PDE1A: variants seen among roughly 807,000 people sequenced by gnomAD.
PDE1A encodes the protein dual specificity calcium/calmodulin-dependent 3',5'-cyclic nucleotide phosphodiesterase 1A.
PDE1A carries 35 observed loss-of-function variants against 61.7 expected under a neutral mutation model. The ratio of observed to expected loss-of-function variants is 0.57; its 90% CI spans 0.43 to 0.75. PDE1A has a LOEUF of 0.75. Among genes scored for constraint, PDE1A ranks in the 30% least tolerant of loss-of-function variants. The pLI is 0.00. For missense variants in PDE1A, 597 were observed against 630.6 expected, an observed-to-expected ratio of 0.95 and a Z score of 0.57; for synonymous variants, 232 against 213.2, an observed-to-expected ratio of 1.09 and a Z score of -0.77.
chr2:182,250,097 A>AT (rs1691287350), intron 2 of PDE1A, among the ~76,000 whole-genome samples: 2 of 151,874 alleles, frequency 1.3e-5, no homozygotes, highest in Admixed American at 1.3e-4. Context: ...CTTTAAACGC[A>AT]TTTTTTTCAT....
rs180886224 is a variant in PDE1A at position 182,220,229 on chromosome 2, C to T, written c.776+3635G>A. Among the ~76,000 whole-genome samples, 516 of 152,076 alleles carry T rather than the reference C, an allele frequency of 3.4e-3. 2 individuals carry two copies. Among genetic ancestry groups the T allele is most frequent in the African/African-American group, 0.012 (502 of 41,518 alleles). ...TACAGAAATATGAACTAGCAAAGCA[C>T]ATGTATAATTCTCATTGAAGAGATA... On this transcript the variant is annotated intron_variant, in intron 7 of 13. Transcript: ENST00000351439.
intron 1 of PDE1A, among the ~76,000 whole-genome samples, chr2:182,277,905 A>T (rs1693543492): frequency 6.6e-6 from 1 of 152,002 alleles, no homozygotes; most frequent in Non-Finnish European, 1.5e-5. Context: ...ACTTGGTCTT[A>T]TCCTACTCTA....
chr2:182,142,942 C>G (rs1450858251), downstream of PDE1A: 2 of 152,146 alleles, frequency 1.3e-5, no homozygotes, highest in African/African-American at 2.4e-5. Context: ...GTATAGGAGT[C>G]AATTAAAATG....
intron 2 of PDE1A, among the ~76,000 whole-genome samples, chr2:182,511,039 C>A (rs1689747674): frequency 6.6e-6 from 1 of 152,072 alleles, no homozygotes; most frequent in Non-Finnish European, 1.5e-5. Context: ...TAATGACTGA[C>A]AAAAGCTAGG....
At position 182,379,201 on chromosome 2, in the gene PDE1A, T is replaced by C. The variant is rs543829268; in HGVS notation, c.53+47377A>G. On this transcript the variant is annotated intron_variant, in intron 1 of 13. Transcript: ENST00000351439. ...TAGAACTACTTAAATCTTTGCTTCA[T>C]GCCAAATACTTCACAAGATAGAATA... Among the ~76,000 whole-genome samples, 10 of 152,352 alleles carry C rather than the reference T, an allele frequency of 6.6e-5. No homozygotes were observed. In the South Asian group the frequency reaches 2.1e-3, roughly 32 times the overall value.
chr2:182,466,463 AAT>A (rs892133493), intron 2 of PDE1A, among the ~76,000 whole-genome samples: 1 of 152,008 alleles, frequency 6.6e-6, no homozygotes, highest in African/African-American at 2.4e-5. Context: ...AGAAACTAGA[AAT>A]TGGGGAAATT....
At chr2:182,464,948 G>C (rs970828358) in intron 2 of PDE1A, among the ~76,000 whole-genome samples, 1 of 152,038 alleles carries the variant, frequency 6.6e-6, no homozygotes, top group Non-Finnish European at 1.5e-5. Context: ...CAATGTTTTT[G>C]AATGAATATT....
rs189860771 is a variant in PDE1A at position 182,219,356 on chromosome 2, C to T, written c.776+4508G>A. Among the ~76,000 whole-genome samples the T allele has an allele frequency of 3.4e-3, 512 of 151,956 alleles. 2 individuals are homozygous for T. Among genetic ancestry groups the T allele is most frequent in the African/African-American group, 0.012 (498 of 41,458 alleles). On this transcript the variant is annotated intron_variant, in intron 7 of 13. Transcript: ENST00000351439. ...TGAATTTGGTATTCTAACTTTAAGC[C>T]TGAAATATTTCAAGCATTCTCAGAT...
At chr2:182,431,787 T>C (rs183798311), upstream of PDE1A, among the ~76,000 whole-genome samples, 16 of 152,154 alleles carry the variant, frequency 1.1e-4, no homozygotes, top group East Asian at 3.1e-3. Flanking sequence ...GTCTCTGGGG[T>C]CACTCAGGAT....
intron 2 of PDE1A, among the ~76,000 whole-genome samples, chr2:182,438,696 C>T (rs1684599861): frequency 6.6e-6 from 1 of 151,806 alleles, no homozygotes; most frequent in Non-Finnish European, 1.5e-5. Flanking sequence ...CCTGGCACGA[C>T]TTAAAGGTAA....
intron 2 of PDE1A, among the ~76,000 whole-genome samples, chr2:182,469,328 G>T (rs1686877478): frequency 6.6e-6 from 1 of 151,946 alleles, no homozygotes; most frequent in South Asian, 2.1e-4. Flanking sequence ...AGCATTTGCT[G>T]CTTCATCTTG....
At chr2:182,482,153 A>C (rs1358371365) in intron 2 of PDE1A, among the ~76,000 whole-genome samples, 1 of 151,866 alleles carries the variant, frequency 6.6e-6, no homozygotes, top group Non-Finnish European at 1.5e-5. Context: ...AAATTGATTA[A>C]GCGCAATAAT....
chr2:182,185,107 T>C (rs1468931665), intron 13 of PDE1A, among the ~76,000 whole-genome samples: 1 of 152,108 alleles, frequency 6.6e-6, no homozygotes, highest in Non-Finnish European at 1.5e-5. Context: ...CCTGAGTATA[T>C]TAAAGCTGCA....
At chr2:182,342,953 CA>C (rs2125050212) in intron 1 of PDE1A, among the ~76,000 whole-genome samples, 1 of 152,244 alleles carries the variant, frequency 6.6e-6, no homozygotes, top group East Asian at 1.9e-4. Context: ...GGTGAATATA[CA>C]ATATGTATAT....
At chr2:182,550,843 C>T in the PDE1A span, among the ~76,000 whole-genome samples, 509 of 152,176 alleles carry the variant, frequency 3.3e-3, 3 homozygotes, top group African/African-American at 0.012. Context: ...CTTCTGTGTC[C>T]ATATGGCAAA....
intron 1 of PDE1A, among the ~76,000 whole-genome samples, chr2:182,381,441 G>A (rs13388594): frequency 0.01 from 1,561 of 152,268 alleles, 24 homozygotes; most frequent in African/African-American, 0.035. Flanking sequence ...GGATGGTGGC[G>A]AATTGCCCTT....
In PDE1A at chr2:182,192,150, C is replaced by A. The variant is rs139143815; in HGVS notation, c.1126-3090G>T. Among the ~76,000 whole-genome samples, 215 of 152,234 alleles carry A rather than the reference C, an allele frequency of 1.4e-3. 4 individuals are homozygous for A. The East Asian group carries it at 0.02, about 14-fold the overall frequency. On this transcript the variant is annotated intron_variant, in intron 10 of 13. Coordinates refer to ENST00000351439, the Ensembl canonical transcript of PDE1A. Reference sequence around the variant, plus strand: ...AGGATTACTGGCGTGAGCCACTGTGCCCAGCCACTTTCTTGAGCTAAATTT... The same window carrying A: ...AGGATTACTGGCGTGAGCCACTGTGACCAGCCACTTTCTTGAGCTAAATTT...
chr2:182,178,321 C>T lies in PDE1A; in HGVS notation c.1516+7571G>A, dbSNP rs191910300. Among the ~76,000 whole-genome samples, 371 of 152,164 alleles carry T rather than the reference C, an allele frequency of 2.4e-3. 1 individual carries two copies. The highest frequency in any genetic ancestry group is 6.8e-3 in the Middle Eastern group (2 of 292). The stretch of plus-strand genomic sequence containing the variant: ...TCCCTGGACATGGATCTAGGTTTTC[C>T]CTAAGAGAAGCAAAAAGGGGTATGA... On this transcript the variant is annotated intron_variant, in intron 13 of 13. Transcript: ENST00000351439.
intron 1 of PDE1A, among the ~76,000 whole-genome samples, chr2:182,304,391 T>C (rs1695445663): frequency 6.6e-6 from 1 of 152,238 alleles, no homozygotes; most frequent in African/African-American, 2.4e-5. Context: ...TAAGGCTGTT[T>C]TGCTTTCTTA....
Sources: allele counts gnomAD v4.1 joint callset (sites outside exome capture counted in the v4.1 genomes callset), GRCh38; gene constraint gnomAD v4.1.1; transcripts MANE v1.5; gene names NCBI Gene and HGNC (gene_info 2026-07-23, HGNC 2026-07-21).